The following DPH5 variants were observed in gnomAD, a reference collection of about 807,000 sequenced individuals.
DPH5 encodes diphthamide biosynthesis 5.
Under a neutral mutation model 31.6 loss-of-function variants are expected in DPH5, and 31 were observed. The ratio of observed to expected loss-of-function variants is 0.98; its 90% CI spans 0.74 to 1.32. DPH5 has a LOEUF of 1.32. DPH5 is among the 40% of genes most tolerant of loss of function. The probability of loss-of-function intolerance (pLI) is 0.00; values close to 1 mark genes in which losing one functional copy is unlikely to be tolerated. For missense variants in DPH5, 309 were observed against 335.7 expected (o/e 0.92, Z 0.62); for synonymous variants, 120 against 115.0 (o/e 1.04, Z -0.28).
chr1:101,018,256 TG>T lies in DPH5; in HGVS notation c.260+3384del, dbSNP rs1420077387. ...AAATTTGATTTTTTTTTTTTTTTTT[TG>T]AGACAGAGTCTTGCTCCATTGCCCA... On this transcript the variant is annotated intron_variant, in intron 3 of 7. Transcript: ENST00000370109. 6.1e-4 allele frequency among the ~76,000 whole-genome samples: 88 copies of T among 143,448 alleles called. 1 individual carries two copies. Among genetic ancestry groups the T allele is most frequent in the Admixed American group, 1.8e-3 (26 of 14,478 alleles). The allele number at this position is 143,448 out of a possible 152,430, so 94.1% of individuals were successfully genotyped here. A position where few individuals can be genotyped will look rare whatever the true frequency, so the allele number is the denominator to read the frequency against.
At chr1:100,998,884 C>G (rs944583824) in intron 5 of DPH5, among the ~76,000 whole-genome samples, 10 of 152,140 alleles carry the variant, frequency 6.6e-5, no homozygotes, top group Non-Finnish European at 2.9e-5. Flanking sequence ...CAGGAGCCAG[C>G]AAACTTCTGA....
chr1:100,991,077 TA>T (rs1220567540), intron 7 of DPH5, among the ~76,000 whole-genome samples: 5 of 152,214 alleles, frequency 3.3e-5, no homozygotes, highest in African/African-American at 1.2e-4. Context: ...GCCATCCAAT[TA>T]GCTGTGTGAT....
At chr1:101,008,731 T>C (rs1659422359) in intron 4 of DPH5, among the ~76,000 whole-genome samples, 2 of 152,244 alleles carry the variant, frequency 1.3e-5, no homozygotes, top group Admixed American at 1.3e-4. Context: ...ACTACACTTC[T>C]CTCTCTGTTA....
rs1434687746 is a variant in DPH5, at chr1:101,016,725, G to A, written c.261-2907C>T. Among the ~76,000 whole-genome samples the A allele has an allele frequency of 4.6e-5, 7 of 152,166 alleles. No individual in the cohort carries two copies. In the East Asian group the frequency reaches 9.7e-4, roughly 21 times the overall value. ...GCCTCCCAAAGTGCTGGGATTACAG[G>A]TGTGAGCCACCACACCCAGCCTCTT... On this transcript the variant is annotated intron_variant, in intron 3 of 7. Transcript: ENST00000370109.
intron 4 of DPH5, among the ~76,000 whole-genome samples, chr1:101,007,245 TTTTTA>T (rs1659298180): frequency 6.6e-6 from 1 of 152,174 alleles, no homozygotes; most frequent in South Asian, 2.1e-4. Flanking sequence ...TATGGATGCT[TTTTTA>T]TTTTCTTTTT....
intron 3 of DPH5, among the ~76,000 whole-genome samples, chr1:101,019,744 C>G (rs1277690284): frequency 6.6e-6 from 1 of 151,096 alleles, no homozygotes; most frequent in South Asian, 2.1e-4. Flanking sequence ...AACTGCAGTA[C>G]AGTAAATATT....
At chr1:101,020,787 C>G (rs144156507) in intron 3 of DPH5, among the ~76,000 whole-genome samples, 30 of 152,244 alleles carry the variant, frequency 2.0e-4, no homozygotes, top group African/African-American at 6.7e-4. Context: ...CCACATTCAT[C>G]TTGGCATTCT....
At chr1:100,990,672 G>A (rs1177271508) in intron 7 of DPH5, 41 bp from the exon 8 acceptor site, 14 of 1,574,246 alleles carry the variant, frequency 8.9e-6, no homozygotes, top group Non-Finnish European at 1.1e-5. Context: ...TTCAGCAAAT[G>A]CATCATCCAT....
rs1276777318 is a variant in DPH5, at chr1:101,013,851, C to G, written c.261-33G>C. 7 of 1,519,874 alleles carry G rather than the reference C, an allele frequency of 4.6e-6. No homozygotes were observed. In the East Asian group the frequency reaches 1.6e-4, roughly 34 times the overall value. The allele number at this position is 1,519,874 out of a possible 1,614,324, so 94.1% of individuals were successfully genotyped here. ...GAGAAAAGATTAGATTGGATTAAAG[C>G]AAACAACACTTTTAAGACAGTAAAG... On this transcript the variant is annotated intron_variant, in intron 3 of 7. Transcript: ENST00000370109.
rs2281828 is a variant in DPH5, at chr1:101,025,709, C to G, written c.-50G>C. The G allele has an allele frequency of 5.8e-3, 2,504 of 431,834 alleles. 51 individuals are homozygous for G. The highest frequency in any genetic ancestry group is 0.05 in the East Asian group (1,153 of 23,098). The allele number at this position is 431,834 out of a possible 1,614,324, so 26.8% of individuals were successfully genotyped here. A position where few individuals can be genotyped will look rare whatever the true frequency, so the allele number is the denominator to read the frequency against. Reference sequence around the variant, plus strand: ...CGCTGAGAGAATCGTAGGTAGTTCTCTGGCCTTTACAAATTCTTAACTACC... The same window carrying G: ...CGCTGAGAGAATCGTAGGTAGTTCTGTGGCCTTTACAAATTCTTAACTACC... On this transcript the variant is annotated 5_prime_UTR_variant, in exon 1 of 8. Transcript: ENST00000370109.
chr1:101,006,103 C>T (rs894284531), intron 4 of DPH5, among the ~76,000 whole-genome samples: 2 of 152,212 alleles, frequency 1.3e-5, no homozygotes, highest in Non-Finnish European at 2.9e-5. Context: ...CCTCCCCAGC[C>T]ATGCTGAACT....
At chr1:101,016,290 C>G (rs1660071292) in intron 3 of DPH5, among the ~76,000 whole-genome samples, 1 of 151,876 alleles carries the variant, frequency 6.6e-6, no homozygotes, top group South Asian at 2.1e-4. Flanking sequence ...GGAGGCGGAG[C>G]TTGCAGTGAG....
intron 3 of DPH5, among the ~76,000 whole-genome samples, chr1:101,021,385 A>G (rs1474575964): frequency 6.6e-6 from 1 of 152,230 alleles, no homozygotes; most frequent in Non-Finnish European, 1.5e-5. Context: ...CTAAAACAGC[A>G]GAAGCAATGA....
Position 101,021,627 on chromosome 1 carries a change from C to T in DPH5, c.260+14G>A. 6.3e-7 allele frequency: 1 copy of T among 1,597,540 alleles called. No individual in the cohort carries two copies. The highest frequency in any genetic ancestry group is 8.5e-7 in the Non-Finnish European group (1 of 1,172,154). ...TAAATGAGTTAAAAACTCAAAATAT[C>T]TGCCTTGACTTACCCAAATGGATCA... On this transcript the variant is annotated intron_variant, in intron 3 of 7. Coordinates refer to ENST00000370109, the MANE Select transcript of DPH5 (RefSeq NM_015958.3).
In DPH5 at chr1:100,995,135, CCTTTA is replaced by C. The variant is rs748432078; in HGVS notation, c.500_504del (p.Val167GlyfsTer15). On this transcript the variant is annotated frameshift_variant, in exon 6 of 8. Coordinates refer to ENST00000370109, the MANE Select transcript of DPH5 (RefSeq NM_015958.3). LOFTEE classifies it high-confidence loss of function. ...TTGATTAGATTTTCCAAAGACTGCT[CCTTTA>C]CTTTGATGTCTGTAGGAAGTAAAAA... 1 of 1,579,072 alleles carries C rather than the reference CCTTTA, an allele frequency of 6.3e-7. No homozygotes were observed. The highest frequency in any genetic ancestry group is 8.7e-7 in the Non-Finnish European group (1 of 1,149,406).
At chr1:101,023,567 AC>A (rs764506900) in intron 2 of DPH5, among the ~76,000 whole-genome samples, 181 of 152,366 alleles carry the variant, frequency 1.2e-3, no homozygotes, top group Non-Finnish European at 1.6e-3. Context: ...GGAAAAAAAT[AC>A]TTTACAAAAT....
intron 4 of DPH5, among the ~76,000 whole-genome samples, chr1:101,002,119 T>C (rs1381144789): frequency 6.6e-6 from 1 of 152,208 alleles, no homozygotes; most frequent in Admixed American, 6.6e-5. Flanking sequence ...ACTCCTGTCA[T>C]TGTTCCAAAC....
In DPH5 at chr1:101,025,739, T is replaced by G; in HGVS notation, c.-80A>C. On this transcript the variant is annotated 5_prime_UTR_variant, in exon 1 of 8. Coordinates refer to ENST00000370109, the MANE Select transcript of DPH5 (RefSeq NM_015958.3). ...CTTTACAAATTCTTAACTACCACCT[T>G]TCCGCAGAAGCAACTGCAAAAGCGC... 1 of 334,820 alleles carries G rather than the reference T, an allele frequency of 3.0e-6. No individual in the cohort carries two copies. The highest frequency in any genetic ancestry group is 5.5e-6 in the Non-Finnish European group (1 of 180,328). The allele number at this position is 334,820 out of a possible 1,614,324, so 20.7% of individuals were successfully genotyped here.
At position 100,995,146 on chromosome 1, in the gene DPH5, A is replaced by T; in HGVS notation, c.494T>A (p.Ile165Asn). The T allele has an allele frequency of 6.4e-7, 1 of 1,572,504 alleles. No homozygotes were observed. The highest frequency in any genetic ancestry group is 8.7e-7 in the Non-Finnish European group (1 of 1,143,574). ...NGMHTLCLLD[I>N]KVKEQSLENL... is the part of the protein sequence containing the mutation. ...TTCCAAAGACTGCTCCTTTACTTTGATGTCTGTAGGAAGTAAAAATAGTTC... is the reference window on the plus strand; with the variant it reads ...TTCCAAAGACTGCTCCTTTACTTTGTTGTCTGTAGGAAGTAAAAATAGTTC... Residue 165 changes from isoleucine (I) to asparagine (N), a missense_variant, in exon 6 of 8, where the codon ATC becomes AAC. Physicochemically the swap from Ile to Asn is moderately radical, Grantham distance 149. Transcript: ENST00000370109.
Sources: gnomAD v4.1 joint callset for allele counts (sites outside exome capture counted in the v4.1 genomes callset) on GRCh38, gnomAD v4.1.1 for gene constraint, MANE v1.5 for transcripts, NCBI Gene and HGNC (gene_info 2026-07-23, HGNC 2026-07-21) for gene names.